Variants in PDE4B observed in about 807,000 individuals in gnomAD.
PDE4B encodes 3',5'-cyclic-AMP phosphodiesterase 4B.
PDE4B carries 20 observed loss-of-function variants against 82.2 expected under a neutral mutation model. That is an observed-to-expected ratio of 0.24 (90% CI 0.17 to 0.35). PDE4B has a LOEUF of 0.35. PDE4B is among the 10% of genes least tolerant of loss of function. The probability of loss-of-function intolerance (pLI) is 1.00; values close to 1 mark genes in which losing one functional copy is unlikely to be tolerated. For synonymous variants in PDE4B, 320 were observed against 318.9 expected, an observed-to-expected ratio of 1.00 and a Z score of -0.04; for missense variants, 655 against 907.2, an observed-to-expected ratio of 0.72 and a Z score of 3.57.
At chr1:65,854,318 C>T (rs1051349517) in intron 1 of PDE4B, among the ~76,000 whole-genome samples, 2 of 151,692 alleles carry the variant, frequency 1.3e-5, no homozygotes, top group African/African-American at 4.8e-5. Flanking sequence ...TATATTTCCT[C>T]ATATGTTTAC....
intron 3 of PDE4B, among the ~76,000 whole-genome samples, chr1:66,187,389 A>G (rs1178136811): frequency 1.3e-5 from 2 of 152,036 alleles, no homozygotes; most frequent in Non-Finnish European, 2.9e-5. Flanking sequence ...TGTTGATTGG[A>G]ATAGTTTCAG....
intron 3 of PDE4B, among the ~76,000 whole-genome samples, chr1:65,965,364 G>A (rs1274072884): frequency 6.6e-6 from 1 of 151,936 alleles, no homozygotes; most frequent in African/African-American, 2.4e-5. Context: ...ATTCTCAAAG[G>A]GTTACAAAGC....
chr1:65,876,723 T>G (rs1646648495), intron 1 of PDE4B, among the ~76,000 whole-genome samples: 1 of 152,200 alleles, frequency 6.6e-6, no homozygotes, highest in Admixed American at 6.5e-5. Context: ...TCATACAATA[T>G]GAAATATTTC....
chr1:66,041,652 T>C (rs1403322973), intron 3 of PDE4B, among the ~76,000 whole-genome samples: 2 of 151,914 alleles, frequency 1.3e-5, no homozygotes, highest in South Asian at 4.1e-4. Context: ...AAGTCAAAGA[T>C]AGCTGTCTCT....
chr1:66,242,500 A>C (rs1176233134), intron 3 of PDE4B, among the ~76,000 whole-genome samples: 1 of 152,226 alleles, frequency 6.6e-6, no homozygotes, highest in African/African-American at 2.4e-5. Flanking sequence ...AGAATGACTA[A>C]GTTGCGAAAG....
chr1:66,013,993 A>G (rs1652631602), intron 3 of PDE4B, among the ~76,000 whole-genome samples: 1 of 152,024 alleles, frequency 6.6e-6, no homozygotes, highest in African/African-American at 2.4e-5. Flanking sequence ...AGTTATCCTA[A>G]TGGGTGTTAG....
rs745975170 is a variant in PDE4B, at chr1:66,363,448, A to G, written c.1161A>G (p.Thr387=). The G allele has an allele frequency of 2.5e-6, 4 of 1,613,558 alleles. No individual in the cohort carries two copies. Among genetic ancestry groups the G allele is most frequent in the Middle Eastern group, 1.7e-4 (1 of 6,052 alleles). Residue 387 remains threonine, a synonymous_variant, in exon 12 of 17, where the codon ACA becomes ACG. Coordinates refer to ENST00000341517, the MANE Select transcript of PDE4B (RefSeq NM_002600.4). ...LLKTFRISSD[T]FITYMMTLED... is the part of the protein sequence containing the mutation. ...AGACATTCAGAATCTCATCTGACAC[A>G]TTTATAACCTACATGATGACTTTAG...
At chr1:66,241,963 T>C (rs1343957199) in intron 3 of PDE4B, among the ~76,000 whole-genome samples, 1 of 152,176 alleles carries the variant, frequency 6.6e-6, no homozygotes, top group African/African-American at 2.4e-5. Flanking sequence ...TTAACAAATA[T>C]TTGTTATGTG....
chr1:66,032,164 C>T (rs1653813186), intron 3 of PDE4B, among the ~76,000 whole-genome samples: 1 of 152,190 alleles, frequency 6.6e-6, no homozygotes. Context: ...ATGCCCACCT[C>T]ATAAAACTGT....
At chr1:66,222,351 C>T (rs555799258) in intron 3 of PDE4B, among the ~76,000 whole-genome samples, 1 of 152,134 alleles carries the variant, frequency 6.6e-6, no homozygotes, top group Admixed American at 6.5e-5. Flanking sequence ...AGGTTGCTTG[C>T]CTTTAATGAC....
chr1:65,840,967 A>G (rs1292049210), intron 1 of PDE4B, among the ~76,000 whole-genome samples: 4 of 152,166 alleles, frequency 2.6e-5, no homozygotes, highest in African/African-American at 9.7e-5. Context: ...TGAACTTGCT[A>G]GGATGCAAAT....
intron 7 of PDE4B, among the ~76,000 whole-genome samples, chr1:66,276,143 T>A (rs893137154): frequency 6.6e-6 from 1 of 152,204 alleles, no homozygotes; most frequent in Non-Finnish European, 1.5e-5. Context: ...TGCCTCTGAT[T>A]TCAGGAAAGG....
intron 1 of PDE4B, among the ~76,000 whole-genome samples, chr1:65,846,680 A>G (rs1646271558): frequency 6.6e-6 from 1 of 152,154 alleles, no homozygotes; most frequent in Non-Finnish European, 1.5e-5. Flanking sequence ...AGCTTTCTGG[A>G]GTAGTAGCAA....
At chr1:66,278,363 A>G (rs1296598982) in intron 7 of PDE4B, among the ~76,000 whole-genome samples, 1 of 152,246 alleles carries the variant, frequency 6.6e-6, no homozygotes, top group Non-Finnish European at 1.5e-5. Flanking sequence ...CATCCGTGGA[A>G]CAAAAATTTG....
At chr1:65,834,912 C>T (rs1646123602) in intron 1 of PDE4B, among the ~76,000 whole-genome samples, 1 of 152,142 alleles carries the variant, frequency 6.6e-6, no homozygotes, top group African/African-American at 2.4e-5. Flanking sequence ...TCATCAAACT[C>T]TGTAAATCAG....
intron 3 of PDE4B, among the ~76,000 whole-genome samples, chr1:66,067,580 G>A (rs541965075): frequency 6.6e-6 from 1 of 152,118 alleles, no homozygotes; most frequent in East Asian, 1.9e-4. Context: ...TGTAGATTCT[G>A]GATATTAGCC....
At chr1:66,323,388 A>G (rs1426985119) in intron 7 of PDE4B, among the ~76,000 whole-genome samples, 2 of 152,174 alleles carry the variant, frequency 1.3e-5, no homozygotes, top group African/African-American at 2.4e-5. Flanking sequence ...ATAAATGTTT[A>G]TAGCATTCTA....
At chr1:65,920,959 C>CTTTTTTTTTTTTT (rs71058435) in intron 3 of PDE4B, among the ~76,000 whole-genome samples, 1 of 68,150 alleles carries the variant, frequency 1.5e-5, no homozygotes, top group Non-Finnish European at 2.8e-5. Flanking sequence ...AAAAGCATTT[C>CTTTTTTTTTTTTT]TTTTTTTTTT....
intron 3 of PDE4B, among the ~76,000 whole-genome samples, chr1:66,065,918 T>A (rs1458016712): frequency 6.6e-6 from 1 of 151,854 alleles, no homozygotes; most frequent in African/African-American, 2.4e-5. Flanking sequence ...GGGTTTTACT[T>A]TTATTTAACC....
Sources: allele counts gnomAD v4.1 joint callset (sites outside exome capture counted in the v4.1 genomes callset), GRCh38; gene constraint gnomAD v4.1.1; transcripts MANE v1.5; gene names NCBI Gene and HGNC (gene_info 2026-07-23, HGNC 2026-07-21).